Variants in DCDC1 observed in about 807,000 individuals in gnomAD.
DCDC1 encodes doublecortin domain containing 1.
A neutral mutation model predicts 178.3 loss-of-function variants in DCDC1; 200 were observed. The observed-to-expected ratio is 1.12, with a 90% CI of 1.00 to 1.26. DCDC1 has a LOEUF of 1.26. Ranked by LOEUF, DCDC1 falls within the 50% of genes most tolerant of loss-of-function variation. The pLI is 0.00. For missense variants in DCDC1, 1,983 were observed against 1,749.2 expected, an observed-to-expected ratio of 1.13 and a Z score of -2.38; for synonymous variants, 690 against 604.8, an observed-to-expected ratio of 1.14 and a Z score of -2.07.
At chr11:31,038,864 A>G (rs893487001) in intron 20 of DCDC1, among the ~76,000 whole-genome samples, 30 of 149,090 alleles carry the variant, frequency 2.0e-4, no homozygotes, top group African/African-American at 7.1e-4. Context: ...TCTTTTGATG[A>G]AAAAAAAAAG....
At chr11:31,269,694 C>A in intron 7 of DCDC1, among the ~76,000 whole-genome samples, 1 of 152,106 alleles carries the variant, frequency 6.6e-6, no homozygotes, top group East Asian at 1.9e-4. Flanking sequence ...CCTGTTAATT[C>A]CATGCAGCTC....
At position 31,139,515 on chromosome 11, in the gene DCDC1, T is replaced by G. The variant is rs533984402; in HGVS notation, c.1222-1731A>C. On this transcript the variant is annotated intron_variant, in intron 9 of 38. Coordinates refer to ENST00000684477, the MANE Select transcript of DCDC1 (RefSeq NM_001387274.1). ...GGAAACGGGTGTAGAAGAGAGGGACTGGAGAATATTTACCAAGTTCATCTA... is the reference window on the plus strand; with the variant it reads ...GGAAACGGGTGTAGAAGAGAGGGACGGGAGAATATTTACCAAGTTCATCTA... Among the ~76,000 whole-genome samples, 26 of 152,238 alleles carry G rather than the reference T, an allele frequency of 1.7e-4. 1 individual carries two copies. The South Asian group carries it at 5.0e-3, about 29-fold the overall frequency.
chr11:30,947,563 C>A (rs1219664146), intron 21 of DCDC1, among the ~76,000 whole-genome samples: 2 of 151,994 alleles, frequency 1.3e-5, no homozygotes, highest in African/African-American at 4.8e-5. Flanking sequence ...AAAATAAAAT[C>A]AAAATGAATT....
intron 20 of DCDC1, among the ~76,000 whole-genome samples, chr11:31,010,268 C>A (rs1239100102): frequency 6.6e-6 from 1 of 152,202 alleles, no homozygotes; most frequent in Non-Finnish European, 1.5e-5. Flanking sequence ...GCAATCAAGA[C>A]GTCAGCTGGG....
At chr11:31,206,657 C>A (rs1025385237) in intron 9 of DCDC1, among the ~76,000 whole-genome samples, 2 of 152,066 alleles carry the variant, frequency 1.3e-5, no homozygotes, top group Non-Finnish European at 2.9e-5. Context: ...TTGTGATCCG[C>A]CCCCCTCAGT....
rs548077253 is a variant in DCDC1, at chr11:31,330,649, T to C, written c.-6-2363A>G. Among the ~76,000 whole-genome samples the C allele has an allele frequency of 1.5e-4, 23 of 152,358 alleles. No homozygotes were observed. In the South Asian group the frequency reaches 1.9e-3, roughly 12 times the overall value. On this transcript the variant is annotated intron_variant, in intron 2 of 38. Coordinates refer to ENST00000684477, the MANE Select transcript of DCDC1 (RefSeq NM_001387274.1). ...AGTTTTCCCAGCACCATTTATTAAA[T>C]AGCGAATTCTTTCCCCATTTCTTGT...
chr11:31,217,055 A>C (rs1310423410), intron 9 of DCDC1, among the ~76,000 whole-genome samples: 3 of 152,174 alleles, frequency 2.0e-5, no homozygotes, highest in Non-Finnish European at 4.4e-5. Flanking sequence ...ATAAAGAAGG[A>C]TCCTCCCTGC....
intron 17 of DCDC1, among the ~76,000 whole-genome samples, chr11:31,078,234 C>CA (rs11348913): frequency 1.3e-5 from 2 of 151,564 alleles, no homozygotes; most frequent in Non-Finnish European, 2.9e-5. Flanking sequence ...GTTCTGCCTG[C>CA]AAAAAAAGAT....
At chr11:31,173,821 A>C (rs1967596301) in intron 9 of DCDC1, among the ~76,000 whole-genome samples, 1 of 152,020 alleles carries the variant, frequency 6.6e-6, no homozygotes, top group Non-Finnish European at 1.5e-5. Context: ...AAAAAAGAAA[A>C]TTTGGCCAGG....
intron 20 of DCDC1, among the ~76,000 whole-genome samples, chr11:31,003,160 CCT>C (rs1383180986): frequency 3.3e-5 from 5 of 150,090 alleles, no homozygotes; most frequent in East Asian, 1.9e-4. Flanking sequence ...TCATATATTC[CCT>C]CTGTTTTCCC....
At chr11:31,314,226 T>C (rs897410843) in intron 3 of DCDC1, among the ~76,000 whole-genome samples, 1 of 152,220 alleles carries the variant, frequency 6.6e-6, no homozygotes, top group African/African-American at 2.4e-5. Flanking sequence ...TGCCATGATA[T>C]AGAAGCATTC....
intron 20 of DCDC1, among the ~76,000 whole-genome samples, chr11:31,060,684 CTAA>C (rs1955862181): frequency 6.6e-6 from 1 of 151,670 alleles, no homozygotes; most frequent in Non-Finnish European, 1.5e-5. Flanking sequence ...GATTTTTGTC[CTAA>C]TGCAAACATT....
At chr11:31,274,668 A>G (rs1417859414) in intron 7 of DCDC1, among the ~76,000 whole-genome samples, 1 of 151,192 alleles carries the variant, frequency 6.6e-6, no homozygotes, top group Non-Finnish European at 1.5e-5. Flanking sequence ...TACTCCACAC[A>G]CATTTAATGA....
At chr11:31,301,281 A>G (rs1210605436) in intron 6 of DCDC1, among the ~76,000 whole-genome samples, 8 of 152,194 alleles carry the variant, frequency 5.3e-5, no homozygotes, top group Non-Finnish European at 8.8e-5. Context: ...ATTCAAACCA[A>G]AAGATAAAAG....
At chr11:30,899,714 TTTC>T (rs900213151) in intron 33 of DCDC1, 72 bp from the exon 34 acceptor site, 11 of 1,091,744 alleles carry the variant, frequency 1.0e-5, no homozygotes, top group Non-Finnish European at 1.4e-5. Context: ...TATAAAGAAC[TTTC>T]TGCTCAAAGA....
At chr11:30,867,921 C>CA (rs1331061863) in intron 38 of DCDC1, among the ~76,000 whole-genome samples, 4 of 152,178 alleles carry the variant, frequency 2.6e-5, no homozygotes, top group African/African-American at 9.7e-5. Flanking sequence ...GAGGATGTAG[C>CA]AGCTTATATG....
intron 20 of DCDC1, among the ~76,000 whole-genome samples, chr11:30,987,577 A>G (rs1950726275): frequency 6.6e-6 from 1 of 152,162 alleles, no homozygotes; most frequent in South Asian, 2.1e-4. Context: ...GTCATCAGGA[A>G]AAACCTCTCT....
chr11:31,272,116 C>T (rs11604176), intron 7 of DCDC1, among the ~76,000 whole-genome samples: 33,396 of 149,746 alleles, frequency 0.22, 4,680 homozygotes, highest in East Asian at 0.39. Context: ...GAGCCGAGAT[C>T]GTGCCATTGC....
At chr11:31,235,669 A>G (rs2616814) in intron 9 of DCDC1, among the ~76,000 whole-genome samples, 14,100 of 152,036 alleles carry the variant, frequency 0.093, 1,806 homozygotes, top group African/African-American at 0.28. Flanking sequence ...AGATGGAGAC[A>G]TATTCCTAGA....
Sources: gnomAD v4.1 joint callset for allele counts (sites outside exome capture counted in the v4.1 genomes callset) on GRCh38, gnomAD v4.1.1 for gene constraint, MANE v1.5 for transcripts, NCBI Gene and HGNC (gene_info 2026-07-23, HGNC 2026-07-21) for gene names.